The following MPPED2 variants were observed in gnomAD, a reference collection of about 807,000 sequenced individuals.
The protein encoded by MPPED2 is metallophosphoesterase MPPED2.
MPPED2 carries 5 observed loss-of-function variants against 33.0 expected under a neutral mutation model. That is an observed-to-expected ratio of 0.15 (90% CI 0.08 to 0.32). The LOEUF (loss-of-function observed/expected upper bound fraction) is 0.32, where lower values mean the gene tolerates loss of function less well. MPPED2 is among the 10% of genes least tolerant of loss of function. MPPED2 has a pLI of 1.00. For synonymous variants in MPPED2, 136 were observed against 141.9 expected (o/e 0.96, Z 0.29); for missense variants, 275 against 372.1 (o/e 0.74, Z 2.15).
chr11:30,456,047 T>C (rs1472906321), intron 4 of MPPED2, among the ~76,000 whole-genome samples: 1 of 152,244 alleles, frequency 6.6e-6, no homozygotes, highest in African/African-American at 2.4e-5. Flanking sequence ...TTTCACTGTC[T>C]CTGCAGACAT....
In MPPED2 at chr11:30,434,360, A is replaced by G. The variant is rs935754834; in HGVS notation, c.537-16727T>C. Among the ~76,000 whole-genome samples the G allele has an allele frequency of 2.0e-5, 3 of 152,112 alleles. 1 individual carries two copies. The highest frequency in any genetic ancestry group is 1.3e-4 in the Admixed American group (2 of 15,252). On this transcript the variant is annotated intron_variant, in intron 4 of 6. Coordinates refer to ENST00000358117, the MANE Select transcript of MPPED2 (RefSeq NM_001584.3). ...TATCCCTTCCTCACTTGCCCCTCTT[A>G]CCATCACCAGCTCATCCACAATAGC...
At chr11:30,412,623 T>A (rs941134571) in intron 6 of MPPED2, among the ~76,000 whole-genome samples, 3 of 152,172 alleles carry the variant, frequency 2.0e-5, no homozygotes, top group Non-Finnish European at 4.4e-5. Context: ...AAAAGAGGCA[T>A]TTAAAATCTG....
At chr11:30,526,063 T>A (rs902936639) in intron 3 of MPPED2, among the ~76,000 whole-genome samples, 3 of 152,202 alleles carry the variant, frequency 2.0e-5, no homozygotes, top group Non-Finnish European at 4.4e-5. Context: ...TTTAATTTTG[T>A]CCTTATTGGA....
At chr11:30,427,373 A>G (rs1056053531) in intron 4 of MPPED2, among the ~76,000 whole-genome samples, 1 of 152,200 alleles carries the variant, frequency 6.6e-6, no homozygotes, top group Admixed American at 6.5e-5. Flanking sequence ...TTTCTTTTGT[A>G]TGCTATTTAA....
intron 6 of MPPED2, among the ~76,000 whole-genome samples, chr11:30,413,452 A>T (rs1051203730): frequency 4.6e-5 from 7 of 152,196 alleles, no homozygotes; most frequent in Admixed American, 4.6e-4. Context: ...CTCAAAGCCC[A>T]GTTACCCATG....
chr11:30,438,551 C>T (rs535053158), intron 4 of MPPED2, among the ~76,000 whole-genome samples: 1 of 152,308 alleles, frequency 6.6e-6, no homozygotes, highest in East Asian at 1.9e-4. Flanking sequence ...TGTGCTGATG[C>T]ATCATGGTAA....
At chr11:30,500,463 C>A (rs576866334) in intron 3 of MPPED2, among the ~76,000 whole-genome samples, 5 of 152,268 alleles carry the variant, frequency 3.3e-5, no homozygotes, top group African/African-American at 1.2e-4. Context: ...AAAACTATTA[C>A]AATTTAAACT....
chr11:30,545,381 C>A (rs1955358059), intron 2 of MPPED2, among the ~76,000 whole-genome samples: 1 of 152,056 alleles, frequency 6.6e-6, no homozygotes, highest in African/African-American at 2.4e-5. Flanking sequence ...TAAACAGAAA[C>A]CATCATGATA....
chr11:30,400,488 T>C (rs1947894927), intron 6 of MPPED2, among the ~76,000 whole-genome samples: 1 of 152,236 alleles, frequency 6.6e-6, no homozygotes, highest in Non-Finnish European at 1.5e-5. Context: ...CTAGCCATTC[T>C]TTATTATTTG....
intron 3 of MPPED2, among the ~76,000 whole-genome samples, chr11:30,522,387 T>TACAC (rs60549510): frequency 0.067 from 9,866 of 146,274 alleles, 357 homozygotes; most frequent in African/African-American, 0.11. Context: ...CAGGAAAACA[T>TACAC]ACACACACAC....
chr11:30,533,267 G>A (rs1954628716), intron 3 of MPPED2, among the ~76,000 whole-genome samples: 1 of 152,142 alleles, frequency 6.6e-6, no homozygotes, highest in African/African-American at 2.4e-5. Flanking sequence ...ACTTCAGAAG[G>A]ATGTTACAGG....
chr11:30,552,821 G>T (rs1160258342), intron 2 of MPPED2, among the ~76,000 whole-genome samples: 1 of 152,146 alleles, frequency 6.6e-6, no homozygotes, highest in Non-Finnish European at 1.5e-5. Context: ...TAAGGATGGG[G>T]CCTGCCTGTG....
intron 2 of MPPED2, among the ~76,000 whole-genome samples, chr11:30,549,738 G>A (rs2134612898): frequency 6.6e-6 from 1 of 152,272 alleles, no homozygotes; most frequent in East Asian, 1.9e-4. Flanking sequence ...AGTCTCTGGA[G>A]GTTCTGCCCT....
intron 2 of MPPED2, among the ~76,000 whole-genome samples, chr11:30,547,970 T>C (rs1955514972): frequency 6.6e-6 from 1 of 152,146 alleles, no homozygotes; most frequent in Non-Finnish European, 1.5e-5. Flanking sequence ...TATATACCTA[T>C]GTACATACTG....
At chr11:30,455,678 C>T (rs183076478) in intron 4 of MPPED2, among the ~76,000 whole-genome samples, 13 of 152,326 alleles carry the variant, frequency 8.5e-5, no homozygotes, top group South Asian at 4.1e-4. Context: ...CATGCCTGTG[C>T]GCTTCATCAA....
chr11:30,427,673 G>A (rs1228189138), intron 4 of MPPED2, among the ~76,000 whole-genome samples: 2 of 152,074 alleles, frequency 1.3e-5, no homozygotes, highest in East Asian at 1.9e-4. Context: ...GAAAAGTAAA[G>A]TATTACCTTT....
chr11:30,451,299 C>T (rs967953055), intron 4 of MPPED2, among the ~76,000 whole-genome samples: 3 of 152,114 alleles, frequency 2.0e-5, no homozygotes, highest in Non-Finnish European at 2.9e-5. Flanking sequence ...TTGTTACATT[C>T]GAGGATTAGA....
intron 3 of MPPED2, among the ~76,000 whole-genome samples, chr11:30,497,748 A>G: frequency 6.7e-6 from 1 of 149,896 alleles, no homozygotes; most frequent in East Asian, 1.9e-4. Context: ...TGCAAAGTAA[A>G]TCTTTCTCAG....
intron 2 of MPPED2, among the ~76,000 whole-genome samples, chr11:30,579,938 G>A (rs1385048663): frequency 1.3e-5 from 2 of 152,084 alleles, no homozygotes; most frequent in African/African-American, 4.8e-5. Context: ...CAAATTCGCT[G>A]TGTGGCAAAT....
Sources: gnomAD v4.1 joint callset for allele counts (sites outside exome capture counted in the v4.1 genomes callset) on GRCh38, gnomAD v4.1.1 for gene constraint, MANE v1.5 for transcripts, NCBI Gene and HGNC (gene_info 2026-07-23, HGNC 2026-07-21) for gene names.